AKAP13: variants seen among roughly 807,000 people sequenced by gnomAD.
The protein encoded by AKAP13 is A-kinase anchor protein 13.
AKAP13 carries 80 observed loss-of-function variants against 264.5 expected under a neutral mutation model. The observed-to-expected ratio is 0.30, with a 90% CI of 0.25 to 0.36. AKAP13 has a LOEUF of 0.36. AKAP13 is among the 10% of genes least tolerant of loss of function. The probability of loss-of-function intolerance (pLI) is 1.00; values close to 1 mark genes in which losing one functional copy is unlikely to be tolerated. For synonymous variants in AKAP13, 1,380 were observed against 1,250.2 expected, an observed-to-expected ratio of 1.10 and a Z score of -2.19; for missense variants, 3,712 against 3,435.2, an observed-to-expected ratio of 1.08 and a Z score of -2.01.
At chr15:85,524,808 C>T in intron 3 of AKAP13, among the ~76,000 whole-genome samples, 1 of 151,720 alleles carries the variant, frequency 6.6e-6, no homozygotes, top group Non-Finnish European at 1.5e-5. Flanking sequence ...TGTAATAAGT[C>T]CTACAATGAA....
rs555618967 is a variant in AKAP13 at position 85,495,153 on chromosome 15, A to G, written c.33+9400A>G. On this transcript the variant is annotated intron_variant, in intron 2 of 36. Coordinates refer to ENST00000394518, the MANE Select transcript of AKAP13 (RefSeq NM_007200.5). Reference sequence around the variant, plus strand: ...TTATACTTAGAGATTCCTCAAGAGGATGGTTACACATTAGCTCTGGATCAG... The same window carrying G: ...TTATACTTAGAGATTCCTCAAGAGGGTGGTTACACATTAGCTCTGGATCAG... 9.2e-5 allele frequency among the ~76,000 whole-genome samples: 14 copies of G among 152,322 alleles called. No individual in the cohort carries two copies. The East Asian group carries it at 1.9e-3, about 21-fold the overall frequency.
rs567094259 is a variant in AKAP13 at position 85,715,506 on chromosome 15, C to G, written c.5600-282C>G. On this transcript the variant is annotated intron_variant, in intron 19 of 36. Coordinates refer to ENST00000394518, the MANE Select transcript of AKAP13 (RefSeq NM_007200.5). The stretch of plus-strand genomic sequence containing the variant: ...TACAATTTCAATAGTTATCACCAAA[C>G]TATCCTCCATGGAGTTTTTATACAA... 2.6e-5 allele frequency among the ~76,000 whole-genome samples: 4 copies of G among 152,226 alleles called. No homozygotes were observed. The East Asian group carries it at 7.7e-4, about 29-fold the overall frequency.
At chr15:85,476,118 A>G (rs747694817) in intron 1 of AKAP13, among the ~76,000 whole-genome samples, 7 of 152,214 alleles carry the variant, frequency 4.6e-5, no homozygotes, top group Non-Finnish European at 1.0e-4. Flanking sequence ...GGAGGGCATG[A>G]ACATGAGCAA....
intron 1 of AKAP13, among the ~76,000 whole-genome samples, chr15:85,399,548 A>AAATAAAT (rs2071323006): frequency 7.0e-6 from 1 of 142,488 alleles, no homozygotes. Context: ...ATAAATAAAT[A>AAATAAAT]AATAAATAAA....
At chr15:85,489,513 CA>C in intron 2 of AKAP13, among the ~76,000 whole-genome samples, 1 of 152,246 alleles carries the variant, frequency 6.6e-6, no homozygotes, top group Non-Finnish European at 1.5e-5. Context: ...TATGATGGCT[CA>C]TTGAGCAGGG....
At chr15:85,442,475 T>TTATATTA (rs2073712734) in intron 1 of AKAP13, among the ~76,000 whole-genome samples, 3 of 120,650 alleles carry the variant, frequency 2.5e-5, no homozygotes, top group East Asian at 2.2e-4. Context: ...ATAATATATA[T>TTATATTA]TATATAATAT....
At chr15:85,693,030 C>T (rs1034722786) in intron 16 of AKAP13, 9 of 466,036 alleles carry the variant, frequency 1.9e-5, no homozygotes, top group Non-Finnish European at 2.1e-5. Context: ...GTAGAAGTAA[C>T]CAATGAATAA....
intron 8 of AKAP13, among the ~76,000 whole-genome samples, chr15:85,602,721 C>G (rs1177376208): frequency 2.0e-5 from 3 of 152,116 alleles, no homozygotes; most frequent in Admixed American, 2.0e-4. Context: ...AACTCCTGAC[C>G]TAGTGATCCG....
chr15:85,673,126 C>A (rs897120118), intron 14 of AKAP13, among the ~76,000 whole-genome samples: 8 of 152,148 alleles, frequency 5.3e-5, no homozygotes, highest in Admixed American at 2.6e-4. Flanking sequence ...GAGCTGTTGT[C>A]CAGAATGTCT....
chr15:85,415,894 G>T (rs1042954123), intron 1 of AKAP13, among the ~76,000 whole-genome samples: 1 of 152,114 alleles, frequency 6.6e-6, no homozygotes, highest in Non-Finnish European at 1.5e-5. Flanking sequence ...AAAATAATGG[G>T]AGGTTTATGA....
intron 1 of AKAP13, among the ~76,000 whole-genome samples, chr15:85,427,370 A>ATT (rs145638202): frequency 2.6e-5 from 4 of 151,134 alleles, no homozygotes; most frequent in Non-Finnish European, 5.9e-5. Flanking sequence ...AAATTTTGAG[A>ATT]TTTTTTTTTC....
At chr15:85,676,692 T>C (rs544735602) in intron 14 of AKAP13, among the ~76,000 whole-genome samples, 1 of 152,320 alleles carries the variant, frequency 6.6e-6, no homozygotes, top group East Asian at 1.9e-4. Context: ...ACTAGATGTT[T>C]TTAGTATACT....
intron 1 of AKAP13, among the ~76,000 whole-genome samples, chr15:85,459,138 C>A (rs2074405214): frequency 1.3e-5 from 2 of 152,148 alleles, no homozygotes; most frequent in African/African-American, 2.4e-5. Flanking sequence ...TCAAAGACAC[C>A]TCAAAAGTAA....
chr15:85,419,108 T>G (rs2072390030), intron 1 of AKAP13, among the ~76,000 whole-genome samples: 1 of 152,218 alleles, frequency 6.6e-6, no homozygotes, highest in African/African-American at 2.4e-5. Context: ...GGAAGAGTCT[T>G]TGTATATTTT....
At chr15:85,689,802 T>C (rs2085172258) in intron 16 of AKAP13, 1 of 152,284 alleles carries the variant, frequency 6.6e-6, no homozygotes, top group Non-Finnish European at 1.5e-5. Flanking sequence ...TCGTTTCATT[T>C]CCTGTATCCT....
chr15:85,476,151 A>G (rs1444418048), intron 1 of AKAP13, among the ~76,000 whole-genome samples: 1 of 152,204 alleles, frequency 6.6e-6, no homozygotes, highest in Non-Finnish European at 1.5e-5. Flanking sequence ...TGGACTGAGC[A>G]TGGTGCATGC....
rs1375617717 is a variant in AKAP13 at position 85,735,110 on chromosome 15, C to T, written c.7401C>T (p.Thr2467=). Residue 2467 remains threonine, a synonymous_variant, in exon 31 of 37, where the codon ACC becomes ACT. Transcript: ENST00000394518. ...TTTCCCTGCCCCGGAGAGCAGAGACCTTTGGAGGATTTGACAGCCATCAGA... is the reference window on the plus strand; with the variant it reads ...TTTCCCTGCCCCGGAGAGCAGAGACTTTTGGAGGATTTGACAGCCATCAGA... ...GPVSLPRRAE[T]FGGFDSHQMN... is the part of the protein sequence containing the mutation. 6.2e-7 allele frequency: 1 copy of T among 1,614,136 alleles called. No individual in the cohort carries two copies. Among genetic ancestry groups the T allele is most frequent in the Admixed American group, 1.7e-5 (1 of 60,018 alleles).
chr15:85,715,883 G>GACT lies in AKAP13; in HGVS notation c.5695_5696insACT (p.Val1899delinsAspPhe). 6.2e-7 allele frequency: 1 copy of GACT among 1,612,944 alleles called. No individual in the cohort carries two copies. ...TGCCAATAGACGATCCCAGCAGAGT[G>GACT]TCTCGCTCTCCAAAAGTGTCTCCAT... is the stretch of plus-strand genomic sequence containing the variant. On this transcript the variant is annotated protein_altering_variant, in exon 20 of 37. Transcript: ENST00000394518.
chr15:85,550,151 G>A (rs1409126954), intron 5 of AKAP13, among the ~76,000 whole-genome samples: 2 of 152,132 alleles, frequency 1.3e-5, no homozygotes, highest in South Asian at 4.1e-4. Context: ...TCGTGACCTC[G>A]TGATCCGCCT....
Sources: gnomAD v4.1 joint callset for allele counts (sites outside exome capture counted in the v4.1 genomes callset) on GRCh38, gnomAD v4.1.1 for gene constraint, MANE v1.5 for transcripts, NCBI Gene and HGNC (gene_info 2026-07-23, HGNC 2026-07-21) for gene names.